Variants in SUCLA2 observed in about 807,000 individuals in gnomAD.
SUCLA2 encodes the protein succinate-CoA ligase ADP-forming subunit beta.
SUCLA2 carries 30 observed loss-of-function variants against 54.8 expected under a neutral mutation model. The observed-to-expected ratio is 0.55, with a 90% CI of 0.41 to 0.74. SUCLA2 has a LOEUF of 0.74. Ranked by LOEUF, SUCLA2 falls within the 30% of genes least tolerant of loss-of-function variation. SUCLA2 has a pLI of 0.00. For synonymous variants in SUCLA2, 172 were observed against 188.9 expected, an observed-to-expected ratio of 0.91 and a Z score of 0.74; for missense variants, 476 against 562.9, an observed-to-expected ratio of 0.85 and a Z score of 1.56.
Position 47,943,297 on chromosome 13 carries a change from C to T in SUCLA2, c.*74G>A. ...CTCCACACACTAAAAAGAAAAAGAACAATAACACAGAACACAGTATTCTTA... is the reference window on the plus strand; with the variant it reads ...CTCCACACACTAAAAAGAAAAAGAATAATAACACAGAACACAGTATTCTTA... On this transcript the variant is annotated 3_prime_UTR_variant, in exon 11 of 11. Transcript: ENST00000646932. 1 of 1,438,928 alleles carries T rather than the reference C, an allele frequency of 6.9e-7. No individual in the cohort carries two copies. The highest frequency in any genetic ancestry group is 2.3e-5 in the East Asian group (1 of 43,916). 89.1% of individuals were successfully genotyped at this position (1,438,928 alleles called of 1,614,324 possible).
At chr13:47,949,178 T>C in intron 9 of SUCLA2, 150 bp from the exon 10 acceptor site, 1 of 844,182 alleles carries the variant, frequency 1.2e-6, no homozygotes, top group South Asian at 1.6e-5. Context: ...GAAAACACTG[T>C]AAAAGCCCAG....
intron 2 of SUCLA2, among the ~76,000 whole-genome samples, chr13:47,994,307 C>T (rs1276688858): frequency 2.0e-5 from 3 of 151,888 alleles, no homozygotes; most frequent in Non-Finnish European, 4.4e-5. Flanking sequence ...CGGTGGCTCA[C>T]GCCTGTAATC....
rs1466916152 is a variant in SUCLA2, at chr13:47,942,679, CTTAAA to C, written c.*687_*691del. On this transcript the variant is annotated 3_prime_UTR_variant, in exon 11 of 11. Coordinates refer to ENST00000646932, the MANE Select transcript of SUCLA2 (RefSeq NM_003850.3). ...AATCATATTGGGAGATTTTTATTAA[CTTAAA>C]TTGACATTCTTAATTTTGTCTGTAA... 6.6e-6 allele frequency: 1 copy of C among 152,274 alleles called. No homozygotes were observed. The highest frequency in any genetic ancestry group is 2.4e-5 in the African/African-American group (1 of 41,466). 9.4% of individuals were successfully genotyped at this position (152,274 alleles called of 1,614,324 possible).
intron 4 of SUCLA2, among the ~76,000 whole-genome samples, chr13:47,979,437 T>A (rs924119195): frequency 1.3e-5 from 2 of 150,994 alleles, no homozygotes; most frequent in African/African-American, 4.9e-5. Context: ...AGTTGAACAA[T>A]GAGAACACAT....
At chr13:47,978,759 A>C (rs1049298028) in intron 4 of SUCLA2, among the ~76,000 whole-genome samples, 1 of 152,214 alleles carries the variant, frequency 6.6e-6, no homozygotes, top group Non-Finnish European at 1.5e-5. Context: ...AAATTTTTGC[A>C]ATCTATACAT....
chr13:47,988,945 G>C lies in SUCLA2; in HGVS notation c.308C>G (p.Ala103Gly). The C allele has an allele frequency of 6.2e-7, 1 of 1,613,542 alleles. No individual in the cohort carries two copies. The highest frequency in any genetic ancestry group is 1.1e-5 in the South Asian group (1 of 91,074). ...KDVVIKAQVL[A>G]GGRGKGTFES... ...AAATGTTCCTTTTCCTCTACCACCA[G>C]CTAAAACCTGTGCCTTTATCACGAC... is the stretch of plus-strand genomic sequence containing the variant. Residue 103 changes from alanine to glycine, a missense_variant, in exon 3 of 11, where the codon GCT becomes GGT. Ala to Gly is a moderately conservative substitution (Grantham distance 60). Around this residue, in one of 2 missense-constraint regions of SUCLA2, gnomAD observed 342 missense variants for 444.2 expected, o/e 0.77. Coordinates refer to ENST00000646932, the MANE Select transcript of SUCLA2 (RefSeq NM_003850.3).
At chr13:47,963,073 T>C (rs1949884689) in intron 6 of SUCLA2, among the ~76,000 whole-genome samples, 1 of 152,032 alleles carries the variant, frequency 6.6e-6, no homozygotes, top group Non-Finnish European at 1.5e-5. Context: ...GGGAGATAGA[T>C]TTGAGACTGA....
intron 6 of SUCLA2, among the ~76,000 whole-genome samples, chr13:47,954,867 ACCC>A (rs1484962760): frequency 1.3e-5 from 2 of 152,066 alleles, no homozygotes; most frequent in Non-Finnish European, 2.9e-5. Context: ...TTCGTAGCTA[ACCC>A]CATCACTTGG....
At chr13:47,968,571 G>A (rs377260824) in intron 6 of SUCLA2, 24 bp downstream of exon 6, 122 of 1,610,402 alleles carry the variant, frequency 7.6e-5, no homozygotes, top group Non-Finnish European at 9.9e-5. Flanking sequence ...GCATAATCAT[G>A]TTAGACAAAA....
chr13:47,998,730 G>T (rs1269595040), intron 1 of SUCLA2, among the ~76,000 whole-genome samples: 1 of 152,158 alleles, frequency 6.6e-6, no homozygotes, highest in Non-Finnish European at 1.5e-5. Context: ...ATAATTGGTT[G>T]CTACCTTCTG....
chr13:47,973,461 A>G, intron 4 of SUCLA2, 69 bp from the exon 5 acceptor site: 2 of 1,546,110 alleles, frequency 1.3e-6, no homozygotes, highest in Non-Finnish European at 1.8e-6. Context: ...TTTAAAACCT[A>G]CCCGTGCATA....
chr13:47,992,216 C>A (rs987737858), intron 2 of SUCLA2, among the ~76,000 whole-genome samples: 4 of 152,068 alleles, frequency 2.6e-5, no homozygotes, highest in Non-Finnish European at 5.9e-5. Flanking sequence ...AACACATTGA[C>A]CTATTAAGAG....
rs1354816544 is a variant in SUCLA2 at position 47,943,045 on chromosome 13, T to A, written c.*326A>T. 1.6e-5 allele frequency: 5 copies of A among 306,754 alleles called. No individual in the cohort carries two copies. Among genetic ancestry groups the A allele is most frequent in the Non-Finnish European group, 2.5e-5 (4 of 161,040 alleles). The allele number at this position is 306,754 out of a possible 1,614,324, so 19.0% of individuals were successfully genotyped here. ...AAGAATAAAGCTTTATCTTCGTATT[T>A]ATCTTATTTATAGGACTCTTATCAA... On this transcript the variant is annotated 3_prime_UTR_variant, in exon 11 of 11. Transcript: ENST00000646932.
At chr13:47,974,630 T>C (rs182122997) in intron 4 of SUCLA2, among the ~76,000 whole-genome samples, 1 of 152,150 alleles carries the variant, frequency 6.6e-6, no homozygotes, top group East Asian at 1.9e-4. Context: ...AGCTAACTAG[T>C]TTGAAAGAAT....
Position 48,001,225 on chromosome 13 carries a change from G to A in SUCLA2, c.45C>T (p.Thr15=), listed in dbSNP as rs35899901. The change falls in exon 1 of 11, where the codon ACC becomes ACT. Residue 15 remains threonine, a synonymous_variant. Transcript: ENST00000646932. ...CCGTCCGAGGCCGGTGGTTCCGAAG[G>A]GTGGCCACGGCCACTAGCCTGCCGT... ...MFYGRLVAVA[T]LRNHRPRTAQ... The A allele has an allele frequency of 1.0e-3, 1,623 of 1,608,188 alleles. 11 individuals are homozygous for A. The African/African-American group carries it at 0.018, about 18-fold the overall frequency.
At chr13:47,959,011 T>C (rs924895496) in intron 6 of SUCLA2, among the ~76,000 whole-genome samples, 5 of 152,190 alleles carry the variant, frequency 3.3e-5, no homozygotes, top group Non-Finnish European at 5.9e-5. Flanking sequence ...GGTTGTGATA[T>C]AGGGAAATAC....
intron 2 of SUCLA2, among the ~76,000 whole-genome samples, chr13:47,993,939 C>G (rs1394139116): frequency 6.6e-6 from 1 of 151,564 alleles, no homozygotes; most frequent in African/African-American, 2.4e-5. Flanking sequence ...GAGGCTGAGG[C>G]AGGAGAACTG....
At chr13:47,980,945 C>T (rs1950056503) in intron 4 of SUCLA2, among the ~76,000 whole-genome samples, 1 of 151,872 alleles carries the variant, frequency 6.6e-6, no homozygotes, top group Admixed American at 6.6e-5. Flanking sequence ...CAAAAATTTA[C>T]TCAAAATAGA....
intron 6 of SUCLA2, among the ~76,000 whole-genome samples, chr13:47,963,536 T>G (rs1949889508): frequency 6.6e-6 from 1 of 151,936 alleles, no homozygotes; most frequent in South Asian, 2.1e-4. Context: ...TCCCAGCTAC[T>G]CGGGGGGCCG....
Sources: gnomAD v4.1 joint callset for allele counts (sites outside exome capture counted in the v4.1 genomes callset) on GRCh38, gnomAD v4.1.1 for gene constraint, gnomAD v4.1.1 regional missense constraint, MANE v1.5 for transcripts, NCBI Gene and HGNC (gene_info 2026-07-23, HGNC 2026-07-21) for gene names.